The following CHD7 variants were observed in gnomAD, a reference collection of about 807,000 sequenced individuals.
The protein encoded by CHD7 is chromodomain helicase DNA binding protein 7, also known as ATP-dependent chromatin remodeler CHD7.
A neutral mutation model predicts 307.3 loss-of-function variants in CHD7; 24 were observed. The observed-to-expected ratio is 0.08, with a 90% confidence interval of 0.06 to 0.11. The LOEUF (loss-of-function observed/expected upper bound fraction) is 0.11, where lower values mean the gene tolerates loss of function less well. CHD7 is among the 10% of genes least tolerant of loss of function. CHD7 has a pLI of 1.00. For synonymous variants in CHD7, 1,363 were observed against 1,349.9 expected, an observed-to-expected ratio of 1.01 and a Z score of -0.21; for missense variants, 3,106 against 3,727.1, an observed-to-expected ratio of 0.83 and a Z score of 4.34.
Position 60,836,054 on chromosome 8 carries a change from T to C in CHD7, c.3779-19T>C, listed in dbSNP as rs767766248. 8.9e-6 allele frequency: 14 copies of C among 1,579,492 alleles called. No homozygotes were observed. Among genetic ancestry groups the C allele is most frequent in the Non-Finnish European group, 1.1e-5 (13 of 1,155,042 alleles). ...AAAACCTTTTACAGTATTCACGTTA[T>C]GCTGTCCAATCTCTGCAGGTGCTGA... On this transcript the variant is annotated intron_variant, in intron 15 of 37. Transcript: ENST00000423902.
At chr8:60,744,292 T>C (rs1242574587) in intron 2 of CHD7, among the ~76,000 whole-genome samples, 1 of 151,928 alleles carries the variant, frequency 6.6e-6, no homozygotes, top group Admixed American at 6.6e-5. Flanking sequence ...AGGGAGCCAG[T>C]GATATTGATT....
chr8:60,843,599 G>A (rs1224956019), intron 21 of CHD7, among the ~76,000 whole-genome samples: 1 of 152,180 alleles, frequency 6.6e-6, no homozygotes, highest in East Asian at 1.9e-4. Flanking sequence ...AAGTAGAAGT[G>A]GTGCAGACTG....
At chr8:60,830,623 A>G in intron 15 of CHD7, 46 bp downstream of exon 15, 1 of 1,596,084 alleles carries the variant, frequency 6.3e-7, no homozygotes, top group Non-Finnish European at 8.6e-7. Flanking sequence ...CGATTGAAGC[A>G]CCAGAAATCC....
intron 1 of CHD7, among the ~76,000 whole-genome samples, chr8:60,726,475 TAAC>T (rs765517085): frequency 6.6e-5 from 10 of 152,238 alleles, no homozygotes; most frequent in Non-Finnish European, 1.3e-4. Flanking sequence ...GAAATTAAGA[TAAC>T]AAAGTTTATT....
In CHD7 at chr8:60,867,429, G is replaced by GCGCA. The variant is rs1235808412; in HGVS notation, c.*1503_*1506dup. The stretch of plus-strand genomic sequence containing the variant: ...AACAGACCCACTTAAGCACGCACGC[G>GCGCA]CGCACGCACGGTCTCAGGAGCTACT... On this transcript the variant is annotated 3_prime_UTR_variant, in exon 38 of 38. Transcript: ENST00000423902. 3.3e-5 allele frequency: 5 copies of GCGCA among 152,220 alleles called. No individual in the cohort carries two copies. The highest frequency in any genetic ancestry group is 1.2e-4 in the African/African-American group (5 of 41,474). The allele number at this position is 152,220 out of a possible 1,614,324, so 9.4% of individuals were successfully genotyped here.
chr8:60,771,229 T>C (rs1810693709), intron 2 of CHD7, among the ~76,000 whole-genome samples: 2 of 152,216 alleles, frequency 1.3e-5, no homozygotes, highest in South Asian at 4.1e-4. Context: ...CAATTTCAGA[T>C]GAGAGTTGCA....
At chr8:60,775,867 C>T (rs1394151681) in intron 2 of CHD7, among the ~76,000 whole-genome samples, 1 of 152,218 alleles carries the variant, frequency 6.6e-6, no homozygotes, top group South Asian at 2.1e-4. Flanking sequence ...AAGCAATTCT[C>T]CTGCCTCAGC....
intron 1 of CHD7, among the ~76,000 whole-genome samples, chr8:60,701,428 C>T (rs1806754867): frequency 6.6e-6 from 1 of 152,144 alleles, no homozygotes; most frequent in Admixed American, 6.5e-5. Context: ...CTCTGTTTTT[C>T]TAGCTAGTTA....
intron 4 of CHD7, among the ~76,000 whole-genome samples, chr8:60,799,743 C>T (rs1335720072): frequency 3.3e-5 from 5 of 152,098 alleles, no homozygotes; most frequent in African/African-American, 1.2e-4. Context: ...TAATGAACCC[C>T]TATAGATTCA....
intron 1 of CHD7, among the ~76,000 whole-genome samples, chr8:60,739,678 A>G (rs1388904907): frequency 6.6e-6 from 1 of 152,212 alleles, no homozygotes; most frequent in Non-Finnish European, 1.5e-5. Flanking sequence ...TGTAGTTCTG[A>G]CAGTGAACAG....
rs1811955565 is a variant in CHD7 at position 60,795,090 on chromosome 8, C to T, written c.2201C>T (p.Ser734Phe). 1 of 1,613,544 alleles carries T rather than the reference C, an allele frequency of 6.2e-7. No individual in the cohort carries two copies. The highest frequency in any genetic ancestry group is 1.3e-5 in the African/African-American group (1 of 74,882). Reference protein sequence around the residue: ...NSDLDKTPPPSPPPEEDEDPG... With the variant: ...NSDLDKTPPPFPPPEEDEDPG... Reference sequence around the variant, plus strand: ...GACTTAGACAAAACACCCCCACCATCTCCTCCTCCTGAAGAAGATGAGGAC... The same window carrying T: ...GACTTAGACAAAACACCCCCACCATTTCCTCCTCCTGAAGAAGATGAGGAC... The change falls in exon 4 of 38, where the codon TCT becomes TTT. Residue 734 changes from serine (S) to phenylalanine (F), a missense_variant. Transcript: ENST00000423902.
chr8:60,802,055 C>A (rs755385437), intron 6 of CHD7, among the ~76,000 whole-genome samples: 1 of 152,156 alleles, frequency 6.6e-6, no homozygotes, highest in African/African-American at 2.4e-5. Context: ...TCATTAGTGT[C>A]TTTCTTGCCA....
chr8:60,687,540 T>G (rs2150481805), intron 1 of CHD7, among the ~76,000 whole-genome samples: 1 of 152,368 alleles, frequency 6.6e-6, no homozygotes, highest in South Asian at 2.1e-4. Context: ...ATATTCATCT[T>G]GAGAATTTCA....
rs566534284 is a variant in CHD7 at position 60,784,376 on chromosome 8, G to A, written c.2096+2946G>A. Among the ~76,000 whole-genome samples, 26 of 152,286 alleles carry A rather than the reference G, an allele frequency of 1.7e-4. No individual in the cohort carries two copies. The South Asian group carries it at 3.5e-3, about 21-fold the overall frequency. On this transcript the variant is annotated intron_variant, in intron 3 of 37. Transcript: ENST00000423902. ...TAAAATAGAGGGAATAAACAGAACC[G>A]AAATGAAAAATTTAGCACAGAACTG...
chr8:60,695,663 G>C (rs1301822742), intron 1 of CHD7, among the ~76,000 whole-genome samples: 1 of 152,226 alleles, frequency 6.6e-6, no homozygotes, highest in Non-Finnish European at 1.5e-5. Flanking sequence ...AGCAATTGCA[G>C]TCTGAAAGAA....
At chr8:60,784,946 A>G (rs1811426260) in intron 3 of CHD7, among the ~76,000 whole-genome samples, 1 of 152,044 alleles carries the variant, frequency 6.6e-6, no homozygotes, top group Admixed American at 6.5e-5. Flanking sequence ...CGATTTTTCT[A>G]GTGTTCTCCC....
intron 9 of CHD7, 81 bp from the exon 10 acceptor site, chr8:60,821,709 A>G (rs913316109): frequency 8.8e-7 from 1 of 1,133,522 alleles, no homozygotes. Context: ...TATATGTATA[A>G]ACATATATAT....
Position 60,865,796 on chromosome 8 carries a change from C to G in CHD7, c.8857C>G (p.Leu2953Val), listed in dbSNP as rs1806219340. 1.2e-6 allele frequency: 2 copies of G among 1,614,002 alleles called. No homozygotes were observed. Among genetic ancestry groups the G allele is most frequent in the Non-Finnish European group, 1.7e-6 (2 of 1,179,876 alleles). Residue 2953 changes from leucine to valine, a missense_variant, in exon 38 of 38, where the codon CTT (leucine) becomes GTT (valine). Leu to Val is a conservative substitution (Grantham distance 32). Coordinates refer to ENST00000423902, the MANE Select transcript of CHD7 (RefSeq NM_017780.4). The surrounding 1 kb of genome is among the most constrained non-coding windows in gnomAD (Gnocchi z 4.3). ...EGGPFKDGET[L>V]EGSDAEESLD... Reference sequence around the variant, plus strand: ...AGGACCCTTTAAAGATGGAGAGACCCTTGAAGGCAGCGATGCCGAGGAGAG... The same window carrying G: ...AGGACCCTTTAAAGATGGAGAGACCGTTGAAGGCAGCGATGCCGAGGAGAG...
chr8:60,691,804 G>T (rs16926387), intron 1 of CHD7, among the ~76,000 whole-genome samples: 2,036 of 152,350 alleles, frequency 0.013, 32 homozygotes, highest in Middle Eastern at 0.058. Flanking sequence ...AACTCGTAAA[G>T]TGTGTTTGTT....
Sources: allele counts gnomAD v4.1 joint callset (sites outside exome capture counted in the v4.1 genomes callset), GRCh38; gene constraint gnomAD v4.1.1; non-coding constraint Gnocchi (gnomAD v3.1); transcripts MANE v1.5; gene names NCBI Gene and HGNC (gene_info 2026-07-23, HGNC 2026-07-21).